The following ZHX3 variants were observed in gnomAD, a reference collection of about 807,000 sequenced individuals.
ZHX3 encodes the protein zinc fingers and homeoboxes 3.
In ZHX3, 20 loss-of-function variants were observed where a neutral mutation model predicts 64.5. That is an observed-to-expected ratio of 0.31 (90% CI 0.22 to 0.45). ZHX3 has a LOEUF of 0.45. Among genes scored for constraint, ZHX3 ranks in the 20% least tolerant of loss-of-function variants. The probability of loss-of-function intolerance (pLI) is 1.00; values close to 1 mark genes in which losing one functional copy is unlikely to be tolerated. For synonymous variants in ZHX3, 423 were observed against 461.6 expected, an observed-to-expected ratio of 0.92 and a Z score of 1.07; for missense variants, 1,041 against 1,195.8, an observed-to-expected ratio of 0.87 and a Z score of 1.91.
intron 2 of ZHX3, among the ~76,000 whole-genome samples, chr20:41,254,017 G>T (rs929817154): frequency 8.5e-5 from 13 of 152,076 alleles, no homozygotes; most frequent in African/African-American, 3.1e-4. Flanking sequence ...AGGCGCAATG[G>T]CTCATGCCTG....
chr20:41,226,785 C>T lies in ZHX3; in HGVS notation c.-150-21719G>A, dbSNP rs1451745643. On this transcript the variant is annotated intron_variant, in intron 2 of 3. Coordinates refer to ENST00000683867, the MANE Select transcript of ZHX3 (RefSeq NM_001384317.1). The surrounding 1 kb of genome is among the most constrained non-coding windows in gnomAD (Gnocchi z 4.4). The stretch of plus-strand genomic sequence containing the variant: ...TCCAAAAGGGAAGGAAGCTATTATA[C>T]CTTTCCTATCCCTTTCTGTTGGAAG... Among the ~76,000 whole-genome samples, 1 of 152,124 alleles carries T rather than the reference C, an allele frequency of 6.6e-6. No individual in the cohort carries two copies. The highest frequency in any genetic ancestry group is 2.4e-5 in the African/African-American group (1 of 41,412).
intron 2 of ZHX3, among the ~76,000 whole-genome samples, chr20:41,240,659 C>A (rs957139462): frequency 1.3e-5 from 2 of 152,150 alleles, no homozygotes; most frequent in African/African-American, 4.8e-5. Flanking sequence ...CCGTCACTCA[C>A]CCTACTACCC....
chr20:41,256,876 C>G (rs191301109), intron 2 of ZHX3, among the ~76,000 whole-genome samples: 213 of 151,774 alleles, frequency 1.4e-3, no homozygotes, highest in African/African-American at 4.8e-3. Flanking sequence ...TTTTAGCGTC[C>G]ACATCATCTA....
rs2040943761 is a variant in ZHX3, at chr20:41,235,856, G to GTATATC, written c.-150-30796_-150-30791dup. Among the ~76,000 whole-genome samples, 4 of 152,270 alleles carry GTATATC rather than the reference G, an allele frequency of 2.6e-5. No individual in the cohort carries two copies. The South Asian group carries it at 8.3e-4, about 32-fold the overall frequency. On this transcript the variant is annotated intron_variant, in intron 2 of 3. Transcript: ENST00000683867. ...GTCCCTGTTTGCAGATGACATGATT[G>GTATATC]TATATCTAGAAAACCCCATCATCTC...
rs150030937 is a variant in ZHX3 at position 41,215,661 on chromosome 20, G to A, written c.-150-10595C>T. On this transcript the variant is annotated intron_variant, in intron 2 of 3. Coordinates refer to ENST00000683867, the MANE Select transcript of ZHX3 (RefSeq NM_001384317.1). ...CATTAAAAACGGAAATAGGCCAGGC[G>A]CGGTGGCTCACGCCTGTAATCCCAG... 4.0e-3 allele frequency among the ~76,000 whole-genome samples: 603 copies of A among 151,828 alleles called. 7 individuals are homozygous for A. The highest frequency in any genetic ancestry group is 0.022 in the East Asian group (115 of 5,168).
chr20:41,200,825 C>T lies in ZHX3; in HGVS notation c.2860+1232G>A, dbSNP rs1017123284. Among the ~76,000 whole-genome samples, 1 of 152,210 alleles carries T rather than the reference C, an allele frequency of 6.6e-6. No homozygotes were observed. Among genetic ancestry groups the T allele is most frequent in the African/African-American group, 2.4e-5 (1 of 41,456 alleles). ...AAATTATGGGCCAAAAAGGAAGTCT[C>T]TTTTTCCTTAATTCAGTAAAGAAAC... On this transcript the variant is annotated intron_variant, in intron 3 of 3. Transcript: ENST00000683867. This position sits in a 1 kb window ranked among gnomAD's most constrained non-coding sequence, Gnocchi z 4.2.
intron 3 of ZHX3, among the ~76,000 whole-genome samples, chr20:41,190,440 G>A (rs939827529): frequency 1.3e-5 from 2 of 152,188 alleles, no homozygotes; most frequent in Admixed American, 1.3e-4. Flanking sequence ...CAAAGTGCTG[G>A]AATTACAGGC....
rs940513565 is a variant in ZHX3, at chr20:41,202,590, C to T, written c.2327G>A (p.Arg776Gln). 91 of 1,613,800 alleles carry T rather than the reference C, an allele frequency of 5.6e-5. 1 individual carries two copies. The East Asian group carries it at 1.7e-3, about 30-fold the overall frequency. Residue 776 changes from arginine (R) to glutamine (Q), a missense_variant, in exon 3 of 4, where the codon CGG becomes CAG. Around this residue, in one of 4 missense-constraint regions of ZHX3, gnomAD observed 649 missense variants for 739.8 expected, o/e 0.88. Transcript: ENST00000683867. The surrounding 1 kb of genome is among the most constrained non-coding windows in gnomAD (Gnocchi z 7.0). Reference sequence around the variant, plus strand: ...GACAAAGAGCTGCCGCAGCAAGTGCCGCTGCTGGGCAGTCTTTTTGCAGCT... The same window carrying T: ...GACAAAGAGCTGCCGCAGCAAGTGCTGCTGCTGGGCAGTCTTTTTGCAGCT... ...KVSCKKTAQQRHLLRQLFVQT... is the reference protein window; with the variant it reads ...KVSCKKTAQQQHLLRQLFVQT...
At chr20:41,216,080 A>G (rs1186633043) in intron 2 of ZHX3, among the ~76,000 whole-genome samples, 1 of 152,208 alleles carries the variant, frequency 6.6e-6, no homozygotes, top group Non-Finnish European at 1.5e-5. Context: ...TGTGACTACT[A>G]TGAGGTTGAT....
chr20:41,267,113 C>T (rs2042901039), intron 2 of ZHX3, among the ~76,000 whole-genome samples: 1 of 152,188 alleles, frequency 6.6e-6, no homozygotes, highest in Non-Finnish European at 1.5e-5. Context: ...TCCCAGAGTG[C>T]TGGGATTACA....
At chr20:41,286,965 C>T (rs2043967823) in intron 1 of ZHX3, among the ~76,000 whole-genome samples, 1 of 152,172 alleles carries the variant, frequency 6.6e-6, no homozygotes, top group African/African-American at 2.4e-5. Flanking sequence ...CCCCTTCCAC[C>T]ATGACTGTAA....
At chr20:41,281,894 T>C (rs1165307104) in intron 1 of ZHX3, among the ~76,000 whole-genome samples, 2 of 152,144 alleles carry the variant, frequency 1.3e-5, no homozygotes, top group Non-Finnish European at 2.9e-5. Context: ...TGGGAGTGAG[T>C]AGCAGCTGAG....
At chr20:41,313,593 CTTTTTTT>C (rs58599783) in intron 1 of ZHX3, among the ~76,000 whole-genome samples, 2 of 103,782 alleles carry the variant, frequency 1.9e-5, no homozygotes, top group African/African-American at 4.0e-5. Flanking sequence ...ACTTTTAGGC[CTTTTTTT>C]TTTTTTTTTT....
rs2040696869 is a variant in ZHX3, at chr20:41,232,693, C to T, written c.-150-27627G>A. 6.6e-6 allele frequency among the ~76,000 whole-genome samples: 1 copy of T among 152,108 alleles called. No individual in the cohort carries two copies. The highest frequency in any genetic ancestry group is 2.1e-4 in the South Asian group (1 of 4,814). On this transcript the variant is annotated intron_variant, in intron 2 of 3. Coordinates refer to ENST00000683867, the MANE Select transcript of ZHX3 (RefSeq NM_001384317.1). The surrounding 1 kb of genome is among the most constrained non-coding windows in gnomAD (Gnocchi z 5.0). ...CAAGCTCCGCCTCCCGGGTTCACGC[C>T]ATTCTCCTGCCTCAGCCTCCCGCGG... is the stretch of plus-strand genomic sequence containing the variant.
chr20:41,222,919 A>AAG (rs1568850368), intron 2 of ZHX3, among the ~76,000 whole-genome samples: 2 of 151,424 alleles, frequency 1.3e-5, no homozygotes, highest in Admixed American at 6.6e-5. Flanking sequence ...AAAAAAAAAA[A>AAG]AAAGAAAGAA....
chr20:41,267,453 A>T (rs927935963), intron 2 of ZHX3: 2 of 152,220 alleles, frequency 1.3e-5, no homozygotes, highest in African/African-American at 2.4e-5. Flanking sequence ...TTCACCCAAC[A>T]AATACTTACT....
intron 1 of ZHX3, among the ~76,000 whole-genome samples, chr20:41,282,958 G>C (rs2043764310): frequency 6.6e-6 from 1 of 152,032 alleles, no homozygotes; most frequent in African/African-American, 2.4e-5. Context: ...GCCCAGGCTG[G>C]AGTGCAGTGG....
In ZHX3 at chr20:41,200,040, C is replaced by T. The variant is rs565545775; in HGVS notation, c.2860+2017G>A. Among the ~76,000 whole-genome samples the T allele has an allele frequency of 2.6e-5, 4 of 152,228 alleles. No individual in the cohort carries two copies. Among genetic ancestry groups the T allele is most frequent in the Non-Finnish European group, 5.9e-5 (4 of 68,020 alleles). ...TGGAGGACAAAGTTGTTATTGCCTA[C>T]CCTGGCACCAACAGTCTGCACCAGG... On this transcript the variant is annotated intron_variant, in intron 3 of 3. Coordinates refer to ENST00000683867, the MANE Select transcript of ZHX3 (RefSeq NM_001384317.1). This position sits in a 1 kb window ranked among gnomAD's most constrained non-coding sequence, Gnocchi z 4.2.
intron 1 of ZHX3, chr20:41,272,148 C>G (rs1386407422): frequency 6.6e-6 from 1 of 152,030 alleles, no homozygotes; most frequent in African/African-American, 2.4e-5. Flanking sequence ...CCAGTTTCAA[C>G]AAATAAAAAT....
Sources: gnomAD v4.1 joint callset for allele counts (sites outside exome capture counted in the v4.1 genomes callset) on GRCh38, gnomAD v4.1.1 for gene constraint, gnomAD v4.1.1 regional missense constraint, Gnocchi (gnomAD v3.1) non-coding constraint, MANE v1.5 for transcripts, NCBI Gene and HGNC (gene_info 2026-07-23, HGNC 2026-07-21) for gene names.